Variants in NRCAM observed in about 807,000 individuals in gnomAD.
NRCAM encodes NgCAM-related cell adhesion molecule.
In NRCAM, 83 loss-of-function variants were observed where a neutral mutation model predicts 156.5. That is an observed-to-expected ratio of 0.53 (90% CI 0.44 to 0.64). The LOEUF (loss-of-function observed/expected upper bound fraction) is 0.64, where lower values mean the gene tolerates loss of function less well. Among genes scored for constraint, NRCAM ranks in the 30% least tolerant of loss-of-function variants. NRCAM has a pLI of 0.00. For missense variants in NRCAM, 1,417 were observed against 1,597.3 expected (o/e 0.89, Z 1.92); for synonymous variants, 538 against 563.9 (o/e 0.95, Z 0.65).
At chr7:108,186,113 A>C (rs913298094) in intron 20 of NRCAM, among the ~76,000 whole-genome samples, 1 of 152,244 alleles carries the variant, frequency 6.6e-6, no homozygotes, top group Non-Finnish European at 1.5e-5. Flanking sequence ...ACTATGTGCC[A>C]GGTACCATGA....
chr7:108,222,818 C>A (rs531030975), intron 11 of NRCAM, among the ~76,000 whole-genome samples: 1 of 152,116 alleles, frequency 6.6e-6, no homozygotes, highest in East Asian at 1.9e-4. Flanking sequence ...TCAGCAGATG[C>A]GCCCATACCA....
chr7:108,238,725 T>C (rs948084282), intron 4 of NRCAM, among the ~76,000 whole-genome samples: 12 of 152,144 alleles, frequency 7.9e-5, no homozygotes, highest in African/African-American at 2.7e-4. Context: ...ACTTAGGCAT[T>C]CCCACTCCAA....
intron 1 of NRCAM, among the ~76,000 whole-genome samples, chr7:108,447,775 C>G (rs529345415): frequency 6.6e-6 from 1 of 152,054 alleles, no homozygotes; most frequent in Non-Finnish European, 1.5e-5. Context: ...TGTAAGGTGA[C>G]TTATGAGTTA....
intron 3 of NRCAM, among the ~76,000 whole-genome samples, chr7:108,277,297 G>T (rs2097673427): frequency 6.6e-6 from 1 of 152,010 alleles, no homozygotes; most frequent in African/African-American, 2.4e-5. Context: ...GCTAGGTTGG[G>T]GAAGTTCTCC....
intron 19 of NRCAM, among the ~76,000 whole-genome samples, chr7:108,191,009 G>C (rs536377367): frequency 2.0e-5 from 3 of 152,182 alleles, no homozygotes; most frequent in Non-Finnish European, 4.4e-5. Flanking sequence ...TTTATCAAAC[G>C]AAGTGATTTT....
At chr7:108,195,164 T>G (rs2074261033) in intron 15 of NRCAM, among the ~76,000 whole-genome samples, 1 of 152,168 alleles carries the variant, frequency 6.6e-6, no homozygotes, top group African/African-American at 2.4e-5. Context: ...TCCCAGGGGA[T>G]GTCCATGGCA....
At chr7:108,287,358 C>G (rs969320919) in intron 3 of NRCAM, among the ~76,000 whole-genome samples, 2 of 151,870 alleles carry the variant, frequency 1.3e-5, no homozygotes, top group African/African-American at 2.4e-5. Context: ...AGCTTCTGCA[C>G]AGCAAAAGAA....
intron 3 of NRCAM, among the ~76,000 whole-genome samples, chr7:108,286,356 C>T (rs2098100088): frequency 6.6e-6 from 1 of 151,938 alleles, no homozygotes; most frequent in South Asian, 2.1e-4. Context: ...TAAGTGCATC[C>T]TCAATAAATG....
chr7:108,456,018 T>C (rs1401453617), intron 1 of NRCAM, among the ~76,000 whole-genome samples: 2 of 152,268 alleles, frequency 1.3e-5, no homozygotes, highest in East Asian at 3.9e-4. Flanking sequence ...CAGGTCCCCC[T>C]GCTCCCTCTC....
chr7:108,289,498 C>T (rs1476011877), intron 3 of NRCAM, among the ~76,000 whole-genome samples: 8 of 152,104 alleles, frequency 5.3e-5, no homozygotes, highest in African/African-American at 1.7e-4. Flanking sequence ...TCCCATCTAG[C>T]TAAAATTTTG....
In NRCAM at chr7:108,232,398, C is replaced by T. The variant is rs1562864096; in HGVS notation, c.355G>A (p.Gly119Arg). 1 of 1,613,646 alleles carries T rather than the reference C, an allele frequency of 6.2e-7. No individual in the cohort carries two copies. Among genetic ancestry groups the T allele is most frequent in the Non-Finnish European group, 8.5e-7 (1 of 1,179,740 alleles). ...MSEGKAETYE[G>R]VYQCTARNER... ...TTCCTTGCTGTACACTGATAGACTC[C>T]TTCATAGGTCTCAGCTTTCCCTTCG... Residue 119 changes from glycine to arginine, a missense_variant, in exon 7 of 33, where the codon GGA becomes AGA. This residue lies in a region of NRCAM where 1,238 missense variants were observed against 1,336.4 expected (regional missense o/e 0.93). Transcript: ENST00000379028.
intron 11 of NRCAM, among the ~76,000 whole-genome samples, chr7:108,216,393 G>A (rs952394937): frequency 2.0e-5 from 3 of 152,028 alleles, no homozygotes; most frequent in Non-Finnish European, 1.5e-5. Flanking sequence ...ATTTGTCTTG[G>A]GGTTGCTCTT....
chr7:108,191,338 C>A, intron 18 of NRCAM, 55 bp from the exon 19 acceptor site: 1 of 1,243,570 alleles, frequency 8.0e-7, no homozygotes, highest in Middle Eastern at 2.0e-4. Flanking sequence ...TGGAAAGATA[C>A]AAGATAGCAC....
At chr7:108,428,550 T>C (rs564358165) in intron 1 of NRCAM, among the ~76,000 whole-genome samples, 210 of 152,114 alleles carry the variant, frequency 1.4e-3, no homozygotes, top group Non-Finnish European at 2.4e-3. Flanking sequence ...AATGCTGAGA[T>C]CCTTGGACAA....
intron 32 of NRCAM, among the ~76,000 whole-genome samples, chr7:108,151,011 G>T (rs1345087798): frequency 6.6e-6 from 1 of 152,102 alleles, no homozygotes; most frequent in Non-Finnish European, 1.5e-5. Context: ...TATGCAGCCT[G>T]ACTATACTGG....
chr7:108,223,015 G>A (rs1050389919), intron 11 of NRCAM, among the ~76,000 whole-genome samples: 5 of 152,176 alleles, frequency 3.3e-5, no homozygotes, highest in African/African-American at 1.2e-4. Flanking sequence ...AAGAATCTAG[G>A]CTTGGCCTTG....
At chr7:108,309,940 C>T (rs2154177853) in intron 3 of NRCAM, among the ~76,000 whole-genome samples, 1 of 152,218 alleles carries the variant, frequency 6.6e-6, no homozygotes, top group Admixed American at 6.5e-5. Flanking sequence ...TTCACTTTTA[C>T]AAATCAACTT....
At chr7:108,363,510 A>T (rs1242711525) in intron 2 of NRCAM, among the ~76,000 whole-genome samples, 1 of 152,120 alleles carries the variant, frequency 6.6e-6, no homozygotes, top group African/African-American at 2.4e-5. Flanking sequence ...GGCCTCTCAA[A>T]GTTATGGGAT....
intron 13 of NRCAM, among the ~76,000 whole-genome samples, chr7:108,205,023 T>C (rs370778917): frequency 1.3e-5 from 2 of 152,204 alleles, no homozygotes; most frequent in African/African-American, 4.8e-5. Flanking sequence ...TTTACAAGGT[T>C]CCCTCAGAGG....
Sources: gnomAD v4.1 joint callset for allele counts (sites outside exome capture counted in the v4.1 genomes callset) on GRCh38, gnomAD v4.1.1 for gene constraint, gnomAD v4.1.1 regional missense constraint, MANE v1.5 for transcripts, NCBI Gene and HGNC (gene_info 2026-07-23, HGNC 2026-07-21) for gene names.